C1QTNF7: variants seen among roughly 807,000 people sequenced by gnomAD.
C1QTNF7 encodes complement C1q tumor necrosis factor-related protein 7.
C1QTNF7 carries 15 observed loss-of-function variants against 19.6 expected under a neutral mutation model. That is an observed-to-expected ratio of 0.76 (90% CI 0.51 to 1.18). The LOEUF (loss-of-function observed/expected upper bound fraction) is 1.18. Ranked by LOEUF, C1QTNF7 falls within the 50% of genes most tolerant of loss-of-function variation. The probability of loss-of-function intolerance (pLI) is 0.00; values close to 1 mark genes in which losing one functional copy is unlikely to be tolerated. For missense variants in C1QTNF7, 324 were observed against 359.7 expected (o/e 0.90, Z 0.80); for synonymous variants, 142 against 137.5 (o/e 1.03, Z -0.23).
intron 1 of C1QTNF7, among the ~76,000 whole-genome samples, chr4:15,408,325 G>GTA (rs1184033751): frequency 1.4e-5 from 2 of 146,568 alleles, no homozygotes; most frequent in African/African-American, 2.5e-5. Flanking sequence ...AGATAAGTAT[G>GTA]TATATATATA....
chr4:15,342,498 C>A (rs137979747), intron 1 of C1QTNF7, among the ~76,000 whole-genome samples: 5 of 152,342 alleles, frequency 3.3e-5, no homozygotes, highest in Non-Finnish European at 5.9e-5. Flanking sequence ...TTAAAAACAG[C>A]ATAGGAAAGA....
chr4:15,385,421 G>T (rs1169259904), intron 1 of C1QTNF7, among the ~76,000 whole-genome samples: 1 of 152,208 alleles, frequency 6.6e-6, no homozygotes, highest in Non-Finnish European at 1.5e-5. Flanking sequence ...ATCAGCCTCT[G>T]GGAGAACAGC....
chr4:15,417,873 G>A (rs1353505853), intron 1 of C1QTNF7, among the ~76,000 whole-genome samples: 2 of 152,130 alleles, frequency 1.3e-5, no homozygotes. Context: ...GAGAGAGAAG[G>A]GAAGAGGTGC....
intron 1 of C1QTNF7, among the ~76,000 whole-genome samples, chr4:15,383,292 T>A (rs1718214172): frequency 6.6e-6 from 1 of 152,044 alleles, no homozygotes; most frequent in African/African-American, 2.4e-5. Flanking sequence ...TGTTGCTAGG[T>A]TCAGGGCAGA....
At chr4:15,417,920 A>T (rs1224948826) in intron 1 of C1QTNF7, among the ~76,000 whole-genome samples, 1 of 152,108 alleles carries the variant, frequency 6.6e-6, no homozygotes, top group Non-Finnish European at 1.5e-5. Context: ...TCAAGAACTC[A>T]GTCACTATTG....
At chr4:15,348,173 C>A (rs1212886592) in intron 1 of C1QTNF7, among the ~76,000 whole-genome samples, 1 of 152,056 alleles carries the variant, frequency 6.6e-6, no homozygotes. Context: ...AATTGATATC[C>A]AGTGGGGGAT....
intron 1 of C1QTNF7, chr4:15,374,729 G>C: frequency 1.0e-6 from 1 of 985,380 alleles, no homozygotes; most frequent in African/African-American, 1.7e-5. Context: ...GCGCACACTA[G>C]AGTTCAAAGA....
chr4:15,364,449 A>G (rs1368983249), intron 1 of C1QTNF7, among the ~76,000 whole-genome samples: 1 of 152,188 alleles, frequency 6.6e-6, no homozygotes, highest in East Asian at 1.9e-4. Flanking sequence ...ATGCAGCACC[A>G]TTAATAGCAG....
In C1QTNF7 at chr4:15,444,346, A is replaced by C. The variant is rs1377469870; in HGVS notation, c.*1547A>C. ...ATTTTTTAATTTAAAAGTAAATTTT[A>C]CTGTCGAAAATGCAAACTTGGGGAG... On this transcript the variant is annotated 3_prime_UTR_variant, in exon 3 of 3. Coordinates refer to ENST00000444304, the MANE Select transcript of C1QTNF7 (RefSeq NM_031911.5). 6.6e-6 allele frequency: 1 copy of C among 152,114 alleles called. No individual in the cohort carries two copies. Among genetic ancestry groups the C allele is most frequent in the Non-Finnish European group, 1.5e-5 (1 of 68,028 alleles). 9.4% of individuals were successfully genotyped at this position (152,114 alleles called of 1,614,324 possible).
At chr4:15,401,245 G>A (rs991284395) in intron 1 of C1QTNF7, among the ~76,000 whole-genome samples, 1 of 152,144 alleles carries the variant, frequency 6.6e-6, no homozygotes, top group Non-Finnish European at 1.5e-5. Flanking sequence ...TGTCTGGGGT[G>A]GAAAGGAATG....
Position 15,442,740 on chromosome 4 carries a change from T to A in C1QTNF7, c.811T>A (p.Phe271Ile). Reference sequence around the variant, plus strand: ...TTGGGCAGACAGCTTATTCTCCGGGTTTCTCTTATACGTTGACACAGATTA... The same window carrying A: ...TTGGGCAGACAGCTTATTCTCCGGGATTCTCTTATACGTTGACACAGATTA... ...PGWADSLFSG[F>I]LLYVDTDYLD... The change falls in exon 3 of 3, where the codon TTT becomes ATT. Residue 271 changes from phenylalanine (F) to isoleucine (I), a missense_variant. Transcript: ENST00000444304. 1 of 1,613,964 alleles carries A rather than the reference T, an allele frequency of 6.2e-7. No individual in the cohort carries two copies. The highest frequency in any genetic ancestry group is 8.5e-7 in the Non-Finnish European group (1 of 1,179,994).
chr4:15,340,230 G>A, intron 1 of C1QTNF7: 2 of 1,551,334 alleles, frequency 1.3e-6, no homozygotes, highest in Non-Finnish European at 1.7e-6. Flanking sequence ...TTTCACTGCA[G>A]TTTTTCTCTT....
intron 1 of C1QTNF7, among the ~76,000 whole-genome samples, chr4:15,409,638 C>T (rs921050136): frequency 6.6e-6 from 1 of 152,146 alleles, no homozygotes; most frequent in African/African-American, 2.4e-5. Context: ...AGGAGGGTCT[C>T]GGGCAGTCTA....
intron 1 of C1QTNF7, among the ~76,000 whole-genome samples, chr4:15,384,613 T>C (rs1290052276): frequency 6.6e-6 from 1 of 152,222 alleles, no homozygotes; most frequent in Non-Finnish European, 1.5e-5. Flanking sequence ...GGAGCTTTTC[T>C]GTTCAGTGTT....
In C1QTNF7 at chr4:15,435,902, G is replaced by A. The variant is rs141616746; in HGVS notation, c.159G>A (p.Gly53=). ...CCCCTGGAGCAAATGGTTCCCCTGG[G>A]CCCCATGGTCGCATCGGCCTTCCAG... ...PGPPGANGSP[G]PHGRIGLPGR... is the part of the protein sequence containing the mutation. Residue 53 remains glycine (G), a synonymous_variant, in exon 2 of 3, where the codon GGG becomes GGA. Transcript: ENST00000444304. 54 of 1,614,072 alleles carry A rather than the reference G, an allele frequency of 3.3e-5. No homozygotes were observed. The African/African-American group carries it at 5.3e-4, about 16-fold the overall frequency.
intron 1 of C1QTNF7, among the ~76,000 whole-genome samples, chr4:15,350,146 G>A (rs1194136688): frequency 9.1e-6 from 1 of 109,796 alleles, no homozygotes; most frequent in African/African-American, 3.5e-5. Context: ...AGGGAGGGAA[G>A]GAGGAAAGAA....
At chr4:15,421,157 A>G (rs1229972687) in intron 1 of C1QTNF7, among the ~76,000 whole-genome samples, 1 of 152,026 alleles carries the variant, frequency 6.6e-6, no homozygotes, top group African/African-American at 2.4e-5. Context: ...AGAAACACCA[A>G]AATGTTCAAA....
At chr4:15,436,377 T>A (rs909560548) in intron 2 of C1QTNF7, among the ~76,000 whole-genome samples, 2 of 152,118 alleles carry the variant, frequency 1.3e-5, no homozygotes, top group Non-Finnish European at 2.9e-5. Context: ...AGCGCATGGA[T>A]GGACAGACAG....
chr4:15,401,136 G>T (rs1718979186), intron 1 of C1QTNF7, among the ~76,000 whole-genome samples: 1 of 152,186 alleles, frequency 6.6e-6, no homozygotes, highest in Admixed American at 6.5e-5. Context: ...TTTCCATGTT[G>T]CACAATAGCG....
Sources: gnomAD v4.1 joint callset for allele counts (sites outside exome capture counted in the v4.1 genomes callset) on GRCh38, gnomAD v4.1.1 for gene constraint, MANE v1.5 for transcripts, NCBI Gene and HGNC (gene_info 2026-07-23, HGNC 2026-07-21) for gene names.